Variants in UCN3 observed in about 807,000 individuals in gnomAD.
UCN3 encodes the protein urocortin 3.
A neutral mutation model predicts 3.6 loss-of-function variants in UCN3; 3 were observed. That is an observed-to-expected ratio of 0.83 (90% confidence interval 0.38 to 2.15). UCN3 has a LOEUF of 2.15. Among genes scored for constraint, UCN3 ranks in the 30% most tolerant of loss-of-function variants. The pLI is 0.06. For synonymous variants in UCN3, 100 were observed against 93.2 expected, an observed-to-expected ratio of 1.07 and a Z score of -0.42; for missense variants, 206 against 208.3, an observed-to-expected ratio of 0.99 and a Z score of 0.07.
In UCN3 at chr10:5,369,935, GTGTA is replaced by G. The variant is rs1413596817; in HGVS notation, c.-6-3776_-6-3773del. Among the ~76,000 whole-genome samples the G allele has an allele frequency of 4.4e-4, 61 of 138,706 alleles. 15 individuals are homozygous for G. Among genetic ancestry groups the G allele is most frequent in the African/African-American group, 1.5e-3 (50 of 32,324 alleles). 91.0% of individuals were successfully genotyped at this position (138,706 alleles called of 152,430 possible). On this transcript the variant is annotated intron_variant, in intron 1 of 1. Coordinates refer to ENST00000380433, the MANE Select transcript of UCN3 (RefSeq NM_053049.4). ...TGTATATGTGTGTGTATGTGTGTGTGTGTATGTGTGTGTATATGTGTGTGTATAT... is the reference window on the plus strand; with the variant it reads ...TGTATATGTGTGTGTATGTGTGTGTGTGTGTGTGTATATGTGTGTGTATAT...
intron 1 of UCN3, among the ~76,000 whole-genome samples, chr10:5,371,372 A>G (rs1368424082): frequency 2.0e-5 from 3 of 151,524 alleles, no homozygotes; most frequent in Non-Finnish European, 4.4e-5. Context: ...GTGTATCTGT[A>G]TGTGGGTGCA....
Position 5,374,127 on chromosome 10 carries a change from A to G in UCN3, c.407A>G (p.Asn136Ser). The change falls in exon 2 of 2, where the codon AAC (asparagine) becomes AGC (serine). Residue 136 changes from asparagine (N) to serine (S), a missense_variant. Coordinates refer to ENST00000380433, the MANE Select transcript of UCN3 (RefSeq NM_053049.4). Reference sequence around the variant, plus strand: ...ACCAACATCATGAACCTCCTCTTCAACATCGCCAAGGCCAAGAACCTGCGT... The same window carrying G: ...ACCAACATCATGAACCTCCTCTTCAGCATCGCCAAGGCCAAGAACCTGCGT... ...VPTNIMNLLF[N>S]IAKAKNLRAQ... 6.2e-7 allele frequency: 1 copy of G among 1,613,404 alleles called. No individual in the cohort carries two copies. Among genetic ancestry groups the G allele is most frequent in the South Asian group, 1.1e-5 (1 of 91,042 alleles).
At chr10:5,370,659 GTGTGTATGT>G (rs1831383558) in intron 1 of UCN3, among the ~76,000 whole-genome samples, 1 of 74,290 alleles carries the variant, frequency 1.3e-5, no homozygotes, top group African/African-American at 6.0e-5. Context: ...GTGTGTATGT[GTGTGTATGT>G]GTGTGTATGT....
rs375157286 is a variant in UCN3 at position 5,370,869 on chromosome 10, A to G, written c.-6-2846A>G. ...TGTGTGCGCGTGTGTGTGCGTGTGTATGTGTGTGTATATGCGTGTGTATAT... is the reference window on the plus strand; with the variant it reads ...TGTGTGCGCGTGTGTGTGCGTGTGTGTGTGTGTGTATATGCGTGTGTATAT... On this transcript the variant is annotated intron_variant, in intron 1 of 1. Coordinates refer to ENST00000380433, the MANE Select transcript of UCN3 (RefSeq NM_053049.4). Among the ~76,000 whole-genome samples, 299 of 46,954 alleles carry G rather than the reference A, an allele frequency of 6.4e-3. 34 individuals carry two copies. Among genetic ancestry groups the G allele is most frequent in the African/African-American group, 0.023 (209 of 8,922 alleles). The allele number at this position is 46,954 out of a possible 152,430, so 30.8% of individuals were successfully genotyped here.
rs1340375422 is a variant in UCN3, at chr10:5,369,915, A to ATGTGTGTGTATGTG, written c.-6-3780_-6-3767dup. ...TGTGTGTGTATATGTGTGTGTGTAT[A>ATGTGTGTGTATGTG]TGTGTGTGTATGTGTGTGTGTGTAT... On this transcript the variant is annotated intron_variant, in intron 1 of 1. Coordinates refer to ENST00000380433, the MANE Select transcript of UCN3 (RefSeq NM_053049.4). Among the ~76,000 whole-genome samples the ATGTGTGTGTATGTG allele has an allele frequency of 6.5e-5, 5 of 77,460 alleles. 1 individual carries two copies. Among genetic ancestry groups the ATGTGTGTGTATGTG allele is most frequent in the Non-Finnish European group, 1.2e-4 (5 of 41,800 alleles). The allele number at this position is 77,460 out of a possible 152,430, so 50.8% of individuals were successfully genotyped here.
At chr10:5,370,220 TATGTGC>T (rs1554811148) in intron 1 of UCN3, among the ~76,000 whole-genome samples, 2 of 102,090 alleles carry the variant, frequency 2.0e-5, no homozygotes, top group Non-Finnish European at 3.8e-5. Flanking sequence ...TATGTGTGTG[TATGTGC>T]GTGTGTGTAT....
chr10:5,371,553 T>TCA (rs1831428663), intron 1 of UCN3, among the ~76,000 whole-genome samples: 1 of 152,098 alleles, frequency 6.6e-6, no homozygotes, highest in Non-Finnish European at 1.5e-5. Flanking sequence ...TGTCCATCGC[T>TCA]CACAGCCTAA....
chr10:5,367,821 C>T lies in UCN3; in HGVS notation c.-7+2591C>T, dbSNP rs1554810817. 6.6e-6 allele frequency among the ~76,000 whole-genome samples: 1 copy of T among 152,086 alleles called. No individual in the cohort carries two copies. The highest frequency in any genetic ancestry group is 1.9e-4 in the East Asian group (1 of 5,176). On this transcript the variant is annotated intron_variant, in intron 1 of 1. Coordinates refer to ENST00000380433, the MANE Select transcript of UCN3 (RefSeq NM_053049.4). This position sits in a 1 kb window ranked among gnomAD's most constrained non-coding sequence, Gnocchi z 4.3. ...AGTGCTTGAGGGTAAATGCAGAATG[C>T]TGCCCCGGGAAGGAAATAGAAAGGA...
At chr10:5,369,954 T>TGTGTGTATATGC (rs1156287433) in intron 1 of UCN3, among the ~76,000 whole-genome samples, 5 of 109,796 alleles carry the variant, frequency 4.6e-5, no homozygotes, top group African/African-American at 1.1e-4. Context: ...TGTGTATATG[T>TGTGTGTATATGC]GTGTGTATAT....
At chr10:5,370,843 G>GTGTGCGCGCA (rs1218926941) in intron 1 of UCN3, among the ~76,000 whole-genome samples, 1,546 of 78,942 alleles carry the variant, frequency 0.02, 259 homozygotes, top group African/African-American at 0.078. Flanking sequence ...GTGTGCGCGT[G>GTGTGCGCGCA]TGTGTGCGCG....
chr10:5,370,304 TATATGC>T (rs1221338456), intron 1 of UCN3, among the ~76,000 whole-genome samples: 3 of 70,654 alleles, frequency 4.2e-5, no homozygotes, highest in Non-Finnish European at 2.7e-5. Flanking sequence ...TATGCGTGTG[TATATGC>T]GTGTATGTGT....
chr10:5,369,194 C>T (rs1554810970), intron 1 of UCN3, among the ~76,000 whole-genome samples: 2 of 152,194 alleles, frequency 1.3e-5, no homozygotes, highest in African/African-American at 4.8e-5. Context: ...TACGATACAA[C>T]AAGGACATTG....
Position 5,366,278 on chromosome 10 carries a change from G to A in UCN3, c.-7+1048G>A, listed in dbSNP as rs1223069851. On this transcript the variant is annotated intron_variant, in intron 1 of 1. Transcript: ENST00000380433. This position sits in a 1 kb window ranked among gnomAD's most constrained non-coding sequence, Gnocchi z 4.2. ...TGTCTCTTTACAGCATCCTCGACAAGTGCTACTGTCACCATAGCCCAAAGG... is the reference window on the plus strand; with the variant it reads ...TGTCTCTTTACAGCATCCTCGACAAATGCTACTGTCACCATAGCCCAAAGG... Among the ~76,000 whole-genome samples, 1 of 152,212 alleles carries A rather than the reference G, an allele frequency of 6.6e-6. No individual in the cohort carries two copies. Among genetic ancestry groups the A allele is most frequent in the Non-Finnish European group, 1.5e-5 (1 of 68,048 alleles).
chr10:5,373,594 G>A, intron 1 of UCN3, 121 bp from the exon 2 acceptor site: 3 of 1,457,388 alleles, frequency 2.1e-6, no homozygotes, highest in South Asian at 1.4e-5. Context: ...TGGTCTGGGG[G>A]TCATACTTGG....
intron 1 of UCN3, among the ~76,000 whole-genome samples, chr10:5,370,102 CGTGTGTATAT>C (rs1261196836): frequency 9.0e-5 from 3 of 33,292 alleles, no homozygotes; most frequent in Non-Finnish European, 1.5e-4. Context: ...TGTGTATATG[CGTGTGTATAT>C]GTGTGTGTAT....
At position 5,366,973 on chromosome 10, in the gene UCN3, T is replaced by C. The variant is rs1834122943; in HGVS notation, c.-7+1743T>C. On this transcript the variant is annotated intron_variant, in intron 1 of 1. Coordinates refer to ENST00000380433, the MANE Select transcript of UCN3 (RefSeq NM_053049.4). This position sits in a 1 kb window ranked among gnomAD's most constrained non-coding sequence, Gnocchi z 4.2. ...CAGCACCCTAGCCGTGATTACAGTA[T>C]TCTTCTCTGATGGTAGACTTGGGAT... 1.3e-5 allele frequency among the ~76,000 whole-genome samples: 2 copies of C among 152,220 alleles called. No individual in the cohort carries two copies. Among genetic ancestry groups the C allele is most frequent in the African/African-American group, 4.8e-5 (2 of 41,460 alleles).
intron 1 of UCN3, among the ~76,000 whole-genome samples, chr10:5,370,857 G>GTGTATGTGTGTGTA (rs1831405486): frequency 6.0e-5 from 6 of 99,750 alleles, no homozygotes; most frequent in African/African-American, 1.9e-4. Flanking sequence ...GTGCGCGTGT[G>GTGTATGTGTGTGTA]TGTGCGTGTG....
intron 1 of UCN3, among the ~76,000 whole-genome samples, chr10:5,369,407 T>C (rs1831302158): frequency 6.6e-6 from 1 of 152,250 alleles, no homozygotes; most frequent in South Asian, 2.1e-4. Context: ...CATACACACA[T>C]TGACGTTTCT....
At chr10:5,370,347 GTATA>G (rs372427151) in intron 1 of UCN3, among the ~76,000 whole-genome samples, 1 of 56,918 alleles carries the variant, frequency 1.8e-5, no homozygotes, top group African/African-American at 1.2e-4. Context: ...ATATGCGTGT[GTATA>G]TGTGTGTGTA....
Sources: allele counts gnomAD v4.1 joint callset (sites outside exome capture counted in the v4.1 genomes callset), GRCh38; gene constraint gnomAD v4.1.1; non-coding constraint Gnocchi (gnomAD v3.1); transcripts MANE v1.5; gene names NCBI Gene and HGNC (gene_info 2026-07-23, HGNC 2026-07-21).